Variants in MICU2 observed in about 807,000 individuals in gnomAD.
MICU2 encodes the protein calcium uptake protein 2, mitochondrial.
In MICU2, 64 loss-of-function variants were observed where a neutral mutation model predicts 60.4. That is an observed-to-expected ratio of 1.06 (90% CI 0.87 to 1.31). The LOEUF (loss-of-function observed/expected upper bound fraction) is 1.31. Ranked by LOEUF, MICU2 falls within the 50% of genes most tolerant of loss-of-function variation. The pLI is 0.00. For synonymous variants in MICU2, 201 were observed against 175.0 expected, an observed-to-expected ratio of 1.15 and a Z score of -1.17; for missense variants, 569 against 531.0, an observed-to-expected ratio of 1.07 and a Z score of -0.70.
chr13:21,538,207 C>A (rs1887181178), intron 4 of MICU2, among the ~76,000 whole-genome samples: 3 of 152,152 alleles, frequency 2.0e-5, no homozygotes, highest in South Asian at 4.2e-4. Flanking sequence ...CTTTAGATCT[C>A]ATCCTATCAC....
At chr13:21,596,485 G>A (rs1484796733) in intron 1 of MICU2, among the ~76,000 whole-genome samples, 1 of 151,412 alleles carries the variant, frequency 6.6e-6, no homozygotes, top group Non-Finnish European at 1.5e-5. Flanking sequence ...GTGCAGTGGT[G>A]CGATCCTGGC....
At chr13:21,541,033 C>T (rs1887269363) in intron 2 of MICU2, among the ~76,000 whole-genome samples, 1 of 152,076 alleles carries the variant, frequency 6.6e-6, no homozygotes, top group African/African-American at 2.4e-5. Context: ...TTTTAGACAA[C>T]TAAAATTAGT....
chr13:21,554,252 T>C (rs931833163), intron 2 of MICU2, among the ~76,000 whole-genome samples: 3 of 151,982 alleles, frequency 2.0e-5, no homozygotes, highest in African/African-American at 4.8e-5. Context: ...CCACACCACA[T>C]CTATTCCAAA....
At chr13:21,505,795 C>T (rs1466635691) in intron 8 of MICU2, among the ~76,000 whole-genome samples, 2 of 152,088 alleles carry the variant, frequency 1.3e-5, no homozygotes, top group East Asian at 3.8e-4. Flanking sequence ...ACCTGAATCT[C>T]GCCTCTTCAG....
intron 9 of MICU2, among the ~76,000 whole-genome samples, chr13:21,501,164 G>A (rs1306695424): frequency 1.3e-5 from 2 of 151,926 alleles, no homozygotes; most frequent in Non-Finnish European, 2.9e-5. Flanking sequence ...ATATGCTTAA[G>A]TCTATTTCTG....
chr13:21,563,372 A>G lies in MICU2; in HGVS notation c.358+3425T>C, dbSNP rs558916572. On this transcript the variant is annotated intron_variant, in intron 2 of 11. Coordinates refer to ENST00000382374, the MANE Select transcript of MICU2 (RefSeq NM_152726.3). The stretch of plus-strand genomic sequence containing the variant: ...CGGGAGGCTGAGGCAGGAGAATGGC[A>G]TGAACCCGGGAGGTGGAGCTTACAG... 5.7e-3 allele frequency among the ~76,000 whole-genome samples: 867 copies of G among 152,002 alleles called. 6 individuals are homozygous for G. Among genetic ancestry groups the G allele is most frequent in the African/African-American group, 0.019 (773 of 41,450 alleles).
At chr13:21,552,996 G>A (rs1257972412) in intron 2 of MICU2, among the ~76,000 whole-genome samples, 16 of 152,224 alleles carry the variant, frequency 1.1e-4, no homozygotes, top group African/African-American at 2.2e-4. Flanking sequence ...TGGGGATGGC[G>A]TTGAATCTAT....
chr13:21,527,102 C>T lies in MICU2; in HGVS notation c.467-4452G>A, dbSNP rs566510218. ...TCTATTTTGGAGCAGGTGTACTTTT[C>T]TTTAACAAAAAGACTATAGTACGTT... On this transcript the variant is annotated intron_variant, in intron 4 of 11. Transcript: ENST00000382374. Among the ~76,000 whole-genome samples, 4 of 152,206 alleles carry T rather than the reference C, an allele frequency of 2.6e-5. No individual in the cohort carries two copies. In the South Asian group the frequency reaches 8.3e-4, roughly 32 times the overall value.
chr13:21,541,970 TGAA>T (rs1296255678), intron 2 of MICU2, among the ~76,000 whole-genome samples: 2 of 152,092 alleles, frequency 1.3e-5, no homozygotes, highest in East Asian at 1.9e-4. Context: ...TAGAAAATAA[TGAA>T]GAAATTAACT....
chr13:21,530,276 C>A (rs1205152781), intron 4 of MICU2, among the ~76,000 whole-genome samples: 3 of 152,144 alleles, frequency 2.0e-5, no homozygotes, highest in African/African-American at 4.8e-5. Context: ...ATCCTTACAG[C>A]CATTTACTGT....
At chr13:21,573,077 T>C (rs963927475) in intron 1 of MICU2, among the ~76,000 whole-genome samples, 2 of 152,220 alleles carry the variant, frequency 1.3e-5, no homozygotes, top group African/African-American at 4.8e-5. Context: ...ATATTCAAAG[T>C]ACTTCGTAGA....
rs757014714 is a variant in MICU2 at position 21,521,239 on chromosome 13, A to G, written c.597+6T>C. On this transcript the variant is annotated splice_donor_region_variant and intron_variant, in intron 6 of 11. Transcript: ENST00000382374. Reference sequence around the variant, plus strand: ...GATAAACCTAAAATAATTAGCGTCCACTTACCTTAAAAAATTCCCTTTTTT... The same window carrying G: ...GATAAACCTAAAATAATTAGCGTCCGCTTACCTTAAAAAATTCCCTTTTTT... 1.9e-6 allele frequency: 3 copies of G among 1,590,786 alleles called. No individual in the cohort carries two copies. In the South Asian group the frequency reaches 3.5e-5, roughly 18 times the overall value.
chr13:21,598,090 TTTA>T (rs1888735056), intron 1 of MICU2, among the ~76,000 whole-genome samples: 1 of 152,108 alleles, frequency 6.6e-6, no homozygotes, highest in African/African-American at 2.4e-5. Context: ...GGAATTTGTA[TTTA>T]TTTAGATTAA....
chr13:21,592,716 C>T (rs1048772681), intron 1 of MICU2, among the ~76,000 whole-genome samples: 2 of 152,162 alleles, frequency 1.3e-5, no homozygotes, highest in Non-Finnish European at 1.5e-5. Flanking sequence ...TCAACATACG[C>T]AAATCAATAA....
At chr13:21,589,613 C>G (rs185927075) in intron 1 of MICU2, among the ~76,000 whole-genome samples, 1 of 152,174 alleles carries the variant, frequency 6.6e-6, no homozygotes, top group Admixed American at 6.5e-5. Flanking sequence ...CATAAAGCAA[C>G]CTTTTTCGAT....
intron 4 of MICU2, chr13:21,530,667 A>G: frequency 3.1e-6 from 1 of 326,000 alleles, no homozygotes; most frequent in Non-Finnish European, 5.6e-6. Flanking sequence ...AAAAAATAAA[A>G]ATAAAAATAA....
intron 4 of MICU2, among the ~76,000 whole-genome samples, chr13:21,536,773 C>T (rs1887140015): frequency 6.6e-6 from 1 of 152,354 alleles, no homozygotes; most frequent in Admixed American, 6.5e-5. Context: ...CTTTAGACAA[C>T]AGGAAACAAT....
chr13:21,506,492 A>G (rs1248948591), intron 8 of MICU2, among the ~76,000 whole-genome samples: 2 of 152,162 alleles, frequency 1.3e-5, no homozygotes, highest in African/African-American at 4.8e-5. Flanking sequence ...ACCCTTACAG[A>G]CACTCTTCTG....
intron 9 of MICU2, chr13:21,496,377 T>G: frequency 4.3e-6 from 2 of 462,246 alleles, no homozygotes; most frequent in Non-Finnish European, 7.7e-6. Context: ...GCAAGAGGCC[T>G]CACCAGAAAC....
Sources: allele counts gnomAD v4.1 joint callset (sites outside exome capture counted in the v4.1 genomes callset), GRCh38; gene constraint gnomAD v4.1.1; transcripts MANE v1.5; gene names NCBI Gene and HGNC (gene_info 2026-07-23, HGNC 2026-07-21).